The following SLC22A24 variants were observed in gnomAD, a reference collection of about 807,000 sequenced individuals.
SLC22A24 encodes solute carrier family 22 member 24.
Under a neutral mutation model 49.8 loss-of-function variants are expected in SLC22A24, and 53 were observed. The ratio of observed to expected loss-of-function variants is 1.06; its 90% CI spans 0.85 to 1.34. The LOEUF is 1.34. Among genes scored for constraint, SLC22A24 ranks in the 40% most tolerant of loss-of-function variants. The pLI is 0.00. For missense variants in SLC22A24, 786 were observed against 675.9 expected (o/e 1.16, Z -1.81); for synonymous variants, 302 against 256.4 (o/e 1.18, Z -1.70).
intron 2 of SLC22A24, among the ~76,000 whole-genome samples, chr11:63,122,943 A>G (rs1232128601): frequency 1.3e-5 from 2 of 152,108 alleles, no homozygotes; most frequent in Non-Finnish European, 2.9e-5. Flanking sequence ...TTCTCAAAAC[A>G]CCTATCATTT....
intron 6 of SLC22A24, among the ~76,000 whole-genome samples, chr11:63,087,736 T>TG (rs978514179): frequency 4.6e-5 from 7 of 151,958 alleles, no homozygotes; most frequent in African/African-American, 1.7e-4. Context: ...TGGAGCTTGG[T>TG]GGGGGGAGGG....
intron 6 of SLC22A24, among the ~76,000 whole-genome samples, chr11:63,094,393 A>G (rs1477549031): frequency 3.9e-5 from 6 of 152,024 alleles, no homozygotes; most frequent in Admixed American, 3.3e-4. Flanking sequence ...TTAGACATTT[A>G]GATTGGTTCC....
intron 2 of SLC22A24, among the ~76,000 whole-genome samples, chr11:63,122,828 T>C (rs979825746): frequency 6.6e-6 from 1 of 152,164 alleles, no homozygotes; most frequent in Non-Finnish European, 1.5e-5. Context: ...CCTATTTTAT[T>C]TCTTAAATTA....
At chr11:63,140,309 T>C (rs934100929) in intron 1 of SLC22A24, among the ~76,000 whole-genome samples, 8 of 152,054 alleles carry the variant, frequency 5.3e-5, no homozygotes, top group African/African-American at 1.9e-4. Flanking sequence ...CTCAATCTCT[T>C]GACCTCATGA....
At position 63,108,793 on chromosome 11, in the gene SLC22A24, T is replaced by A. The variant is rs1197844287; in HGVS notation, c.831-4495A>T. Among the ~76,000 whole-genome samples, 4 of 152,100 alleles carry A rather than the reference T, an allele frequency of 2.6e-5. No homozygotes were observed. The East Asian group carries it at 7.7e-4, about 29-fold the overall frequency. On this transcript the variant is annotated intron_variant, in intron 4 of 9. Transcript: ENST00000612278. Reference sequence around the variant, plus strand: ...CAGTGGTGATATCCCCTTTATCATTTTTTTTTGCATCTATTTGATTCTTTT... The same window carrying A: ...CAGTGGTGATATCCCCTTTATCATTATTTTTTGCATCTATTTGATTCTTTT...
rs1251883000 is a variant in SLC22A24 at position 63,104,212 on chromosome 11, T to C, written c.917A>G (p.Asn306Ser). 7.7e-6 allele frequency: 12 copies of C among 1,550,708 alleles called. No individual in the cohort carries two copies. The highest frequency in any genetic ancestry group is 8.7e-6 in the Non-Finnish European group (10 of 1,146,870). Residue 306 changes from asparagine (N) to serine (S), a missense_variant, in exon 5 of 10, where the codon AAT (asparagine) becomes AGT (serine). Physicochemically the swap from Asn to Ser is conservative, Grantham distance 46. Coordinates refer to ENST00000612278, the MANE Select transcript of SLC22A24 (RefSeq NM_001136506.2). Reference sequence around the variant, plus strand: ...TGTCTCTTCAGTATTCTTTTTTCCATTTATGTGTGCAACTCTTCTAAGCTC... The same window carrying C: ...TGTCTCTTCAGTATTCTTTTTTCCACTTATGTGTGCAACTCTTCTAAGCTC... ...LKELRRVAHI[N>S]GKKNTEETLT... is the part of the protein sequence containing the mutation.
chr11:63,128,225 G>A (rs1348508386), intron 2 of SLC22A24, among the ~76,000 whole-genome samples: 3 of 152,118 alleles, frequency 2.0e-5, no homozygotes, highest in Non-Finnish European at 4.4e-5. Context: ...GGGTCACGGT[G>A]AGAAGTGACC....
At position 63,084,065 on chromosome 11, in the gene SLC22A24, T is replaced by A. The variant is rs190043233; in HGVS notation, c.1071-608A>T. 3.3e-3 allele frequency among the ~76,000 whole-genome samples: 506 copies of A among 152,308 alleles called. 1 individual carries two copies. Among genetic ancestry groups the A allele is most frequent in the African/African-American group, 0.011 (458 of 41,578 alleles). On this transcript the variant is annotated intron_variant, in intron 6 of 9. Coordinates refer to ENST00000612278, the MANE Select transcript of SLC22A24 (RefSeq NM_001136506.2). Reference sequence around the variant, plus strand: ...AAAGGTCAACAATATCTTTTTACCCTTCTTACCATATCAACCACCAAGGTC... The same window carrying A: ...AAAGGTCAACAATATCTTTTTACCCATCTTACCATATCAACCACCAAGGTC...
chr11:63,119,031 T>C lies in SLC22A24; in HGVS notation c.711A>G (p.Leu237=), dbSNP rs1439542926. Residue 237 remains leucine (L), a synonymous_variant, in exon 4 of 10, where the codon CTA becomes CTG. Coordinates refer to ENST00000612278, the MANE Select transcript of SLC22A24 (RefSeq NM_001136506.2). The part of the protein sequence containing the change: ...PRSRSMTIMV[L]LCSYSVGQML... ...TCTGCCCAACACTGTAGGAACATAA[T>C]AGCACCATTATTGTCATAGATCGTG... is the stretch of plus-strand genomic sequence containing the variant. 7.1e-6 allele frequency: 11 copies of C among 1,551,462 alleles called. No individual in the cohort carries two copies. In the Admixed American group the frequency reaches 1.8e-4, roughly 25 times the overall value.
rs141451195 is a variant in SLC22A24, at chr11:63,092,883, A to G, written c.1070+3108T>C. Among the ~76,000 whole-genome samples, 15 of 152,270 alleles carry G rather than the reference A, an allele frequency of 9.9e-5. No homozygotes were observed. The East Asian group carries it at 2.9e-3, about 29-fold the overall frequency. ...TAAAGAGCTTCTGCACAGCAAAATAAACTATCATCAGAGTGAACAGGCAAC... is the reference window on the plus strand; with the variant it reads ...TAAAGAGCTTCTGCACAGCAAAATAGACTATCATCAGAGTGAACAGGCAAC... On this transcript the variant is annotated intron_variant, in intron 6 of 9. Coordinates refer to ENST00000612278, the MANE Select transcript of SLC22A24 (RefSeq NM_001136506.2).
chr11:63,114,393 A>T (rs1033135156), intron 4 of SLC22A24, among the ~76,000 whole-genome samples: 14 of 152,142 alleles, frequency 9.2e-5, no homozygotes, highest in Non-Finnish European at 1.6e-4. Flanking sequence ...TGAAGATCTC[A>T]TGCCATGGTT....
chr11:63,138,197 A>T (rs749067493), intron 1 of SLC22A24, among the ~76,000 whole-genome samples: 129 of 152,066 alleles, frequency 8.5e-4, no homozygotes, highest in Non-Finnish European at 1.6e-3. Context: ...TGAGATTTCT[A>T]TGTCTTGTTT....
chr11:63,123,689 T>C (rs909080126), intron 2 of SLC22A24, among the ~76,000 whole-genome samples: 1 of 152,206 alleles, frequency 6.6e-6, no homozygotes, highest in Admixed American at 6.5e-5. Flanking sequence ...AAAGCCTATA[T>C]CCCCTTGGAT....
At chr11:63,084,586 G>A (rs2086977029) in intron 6 of SLC22A24, among the ~76,000 whole-genome samples, 2 of 152,110 alleles carry the variant, frequency 1.3e-5, no homozygotes, top group African/African-American at 2.4e-5. Flanking sequence ...AGGCCTCCAA[G>A]GAATTTACAT....
At chr11:63,092,943 A>C (rs761500224) in intron 6 of SLC22A24, among the ~76,000 whole-genome samples, 1 of 152,186 alleles carries the variant, frequency 6.6e-6, no homozygotes, top group Non-Finnish European at 1.5e-5. Context: ...CAAGCTACCT[A>C]TCTGACAAAA....
intron 5 of SLC22A24, among the ~76,000 whole-genome samples, chr11:63,103,599 C>T (rs2087103614): frequency 6.6e-6 from 1 of 152,028 alleles, no homozygotes; most frequent in Admixed American, 6.6e-5. Flanking sequence ...AGAAGAAAAA[C>T]TTCAAAAAAA....
chr11:63,115,609 C>T (rs1039442195), intron 4 of SLC22A24, among the ~76,000 whole-genome samples: 4 of 152,174 alleles, frequency 2.6e-5, no homozygotes, highest in African/African-American at 9.6e-5. Context: ...GAACAAGGTA[C>T]CTCAGTTGGA....
At chr11:63,137,602 T>C (rs1425939610) in intron 1 of SLC22A24, among the ~76,000 whole-genome samples, 1 of 152,232 alleles carries the variant, frequency 6.6e-6, no homozygotes. Flanking sequence ...CAGGCTGATA[T>C]TGGGTACTGA....
chr11:63,085,871 T>C (rs948645523), intron 6 of SLC22A24, among the ~76,000 whole-genome samples: 3 of 152,188 alleles, frequency 2.0e-5, no homozygotes, highest in African/African-American at 7.2e-5. Context: ...AATGCACATA[T>C]TTTCTTTTGC....
Sources: allele counts gnomAD v4.1 joint callset (sites outside exome capture counted in the v4.1 genomes callset), GRCh38; gene constraint gnomAD v4.1.1; transcripts MANE v1.5; gene names NCBI Gene and HGNC (gene_info 2026-07-23, HGNC 2026-07-21).